The following PEMT variants were observed in gnomAD, a reference collection of about 807,000 sequenced individuals.
PEMT encodes the protein phosphatidylethanolamine N-methyltransferase.
In PEMT, 23 loss-of-function variants were observed where a neutral mutation model predicts 27.4. The observed-to-expected ratio is 0.84, with a 90% CI of 0.60 to 1.19. PEMT has a LOEUF of 1.19. Among genes scored for constraint, PEMT ranks in the 50% most tolerant of loss-of-function variants. PEMT has a pLI of 0.00. For missense variants in PEMT, 307 were observed against 310.1 expected, an observed-to-expected ratio of 0.99 and a Z score of 0.07; for synonymous variants, 137 against 139.1, an observed-to-expected ratio of 0.98 and a Z score of 0.11.
Position 17,512,073 on chromosome 17 carries a change from T to C in PEMT, c.466+436A>G, listed in dbSNP as rs1906450665. ...GCACAAACCACAATCCTGCCTGGCCTGAGAGCCACGCGTGCCGGGAGCTGC... is the reference window on the plus strand; with the variant it reads ...GCACAAACCACAATCCTGCCTGGCCCGAGAGCCACGCGTGCCGGGAGCTGC... On this transcript the variant is annotated intron_variant, in intron 4 of 6. Transcript: ENST00000255389. The surrounding 1 kb of genome is among the most constrained non-coding windows in gnomAD (Gnocchi z 6.3). Among the ~76,000 whole-genome samples the C allele has an allele frequency of 6.6e-6, 1 of 152,108 alleles. No individual in the cohort carries two copies. The highest frequency in any genetic ancestry group is 1.5e-5 in the Non-Finnish European group (1 of 68,016).
chr17:17,536,500 C>G (rs1475807177), intron 2 of PEMT, among the ~76,000 whole-genome samples: 1 of 152,192 alleles, frequency 6.6e-6, no homozygotes, highest in Non-Finnish European at 1.5e-5. Context: ...CACAACCAGG[C>G]AGTCCCCAAC....
chr17:17,567,112 C>T (rs1024803003), intron 2 of PEMT, among the ~76,000 whole-genome samples: 4 of 152,218 alleles, frequency 2.6e-5, no homozygotes, highest in African/African-American at 9.6e-5. Flanking sequence ...CCCACCCAGC[C>T]ATCTCTGGAG....
chr17:17,569,110 G>C (rs1161596137), intron 2 of PEMT, among the ~76,000 whole-genome samples: 1 of 152,232 alleles, frequency 6.6e-6, no homozygotes, highest in Non-Finnish European at 1.5e-5. Context: ...GGGTTCCAGG[G>C]AAAGAGACTC....
At chr17:17,535,778 A>G (rs955764317) in intron 2 of PEMT, among the ~76,000 whole-genome samples, 1 of 152,222 alleles carries the variant, frequency 6.6e-6, no homozygotes, top group Non-Finnish European at 1.5e-5. Context: ...GAAGCTGGGC[A>G]TTGGGTACGG....
At position 17,512,653 on chromosome 17, in the gene PEMT, A is replaced by C. The variant is rs1207668802; in HGVS notation, c.322T>G (p.Phe108Val). The C allele has an allele frequency of 6.6e-7, 1 of 1,524,562 alleles. No homozygotes were observed. Among genetic ancestry groups the C allele is most frequent in the Admixed American group, 2.0e-5 (1 of 51,132 alleles). 94.4% of individuals were successfully genotyped at this position (1,524,562 alleles called of 1,614,324 possible). A position where few individuals can be genotyped will look rare whatever the true frequency, so the allele number is the denominator to read the frequency against. ...GGCTGGCTCAGCATGGCCTGCGTGA[A>C]GCTGTGGGCAGGGGATGGAGAGGGA... ...LLLNFLRSHCFTQAMLSQPRM... is the reference protein window; with the variant it reads ...LLLNFLRSHCVTQAMLSQPRM... The change falls in exon 4 of 7, where the codon TTC (phenylalanine) becomes GTC (valine). Residue 108 changes from phenylalanine to valine, a missense_variant and splice_region_variant. Transcript: ENST00000255389. This position sits in a 1 kb window ranked among gnomAD's most constrained non-coding sequence, Gnocchi z 6.3.
chr17:17,515,637 C>A (rs1322923177), intron 3 of PEMT, among the ~76,000 whole-genome samples: 1 of 152,172 alleles, frequency 6.6e-6, no homozygotes. Context: ...TTACTGGAAT[C>A]TCATGGCCCG....
intron 2 of PEMT, among the ~76,000 whole-genome samples, chr17:17,566,016 G>A (rs1567732677): frequency 6.6e-6 from 1 of 152,248 alleles, no homozygotes; most frequent in Non-Finnish European, 1.5e-5. Context: ...TCTGAGCAAA[G>A]TGGGGCAGAG....
chr17:17,505,633 G>C lies in PEMT; in HGVS notation c.*158C>G. 2.7e-6 allele frequency: 2 copies of C among 738,650 alleles called. No homozygotes were observed. Among genetic ancestry groups the C allele is most frequent in the Non-Finnish European group, 4.0e-6 (2 of 501,776 alleles). 45.8% of individuals were successfully genotyped at this position (738,650 alleles called of 1,614,324 possible). A position where few individuals can be genotyped will look rare whatever the true frequency, so the allele number is the denominator to read the frequency against. On this transcript the variant is annotated 3_prime_UTR_variant, in exon 7 of 7. Transcript: ENST00000255389. ...GAGCTCAATGGCCATATGTCGGCAC[G>C]TCCAGGGTCCCCAAGGCAGCAGGTT...
At chr17:17,566,015 A>T (rs1278323481) in intron 2 of PEMT, among the ~76,000 whole-genome samples, 1 of 152,198 alleles carries the variant, frequency 6.6e-6, no homozygotes, top group African/African-American at 2.4e-5. Flanking sequence ...CTCTGAGCAA[A>T]GTGGGGCAGA....
At chr17:17,563,656 C>G (rs1006878890) in intron 2 of PEMT, among the ~76,000 whole-genome samples, 8 of 152,200 alleles carry the variant, frequency 5.3e-5, no homozygotes, top group Non-Finnish European at 1.2e-4. Flanking sequence ...GGGTGGCAGG[C>G]AAAGCGACAG....
intron 1 of PEMT, among the ~76,000 whole-genome samples, chr17:17,586,288 GAAAA>G (rs113887195): frequency 0.033 from 2,341 of 71,882 alleles, 162 homozygotes; most frequent in African/African-American, 0.082. Context: ...AAGAAAGAAA[GAAAA>G]AAAAAAACGC....
At chr17:17,518,120 T>C (rs1906978938) in intron 3 of PEMT, 4 of 985,452 alleles carry the variant, frequency 4.1e-6, no homozygotes, top group East Asian at 2.3e-4. Context: ...CTCCAGGCAA[T>C]TCCGATGTGC....
At chr17:17,551,859 G>A (rs753988502) in intron 2 of PEMT, among the ~76,000 whole-genome samples, 2 of 152,142 alleles carry the variant, frequency 1.3e-5, no homozygotes, top group Non-Finnish European at 2.9e-5. Context: ...AGACTGAGAC[G>A]GACGGTTAAT....
At chr17:17,588,905 C>T (rs921038056) in intron 1 of PEMT, among the ~76,000 whole-genome samples, 5 of 152,268 alleles carry the variant, frequency 3.3e-5, no homozygotes, top group Admixed American at 3.3e-4. Flanking sequence ...GTCAGTGGGG[C>T]TGCAGCGGGC....
chr17:17,517,908 C>G (rs1313480267), intron 3 of PEMT: 23 of 908,258 alleles, frequency 2.5e-5, no homozygotes, highest in Non-Finnish European at 2.6e-5. Flanking sequence ...GCACCCCACC[C>G]ACCCAGACCA....
At chr17:17,573,699 A>G (rs577589151) in intron 2 of PEMT, among the ~76,000 whole-genome samples, 1 of 152,210 alleles carries the variant, frequency 6.6e-6, no homozygotes, top group Admixed American at 6.5e-5. Context: ...ACTGGAACCA[A>G]TCTCCTATGG....
chr17:17,584,260 C>A (rs541790958), intron 1 of PEMT, among the ~76,000 whole-genome samples: 1 of 152,230 alleles, frequency 6.6e-6, no homozygotes, highest in East Asian at 1.9e-4. Context: ...CCCGGGTTCA[C>A]GCCATTCTCC....
chr17:17,537,818 C>T (rs1908592349), intron 2 of PEMT, among the ~76,000 whole-genome samples: 1 of 152,202 alleles, frequency 6.6e-6, no homozygotes, highest in African/African-American at 2.4e-5. Context: ...TGCTGCAGGG[C>T]CCAGCATGGC....
intron 2 of PEMT, among the ~76,000 whole-genome samples, chr17:17,527,618 A>C (rs947124927): frequency 4.6e-5 from 7 of 152,190 alleles, no homozygotes; most frequent in Non-Finnish European, 8.8e-5. Flanking sequence ...TGCCCATGAA[A>C]TGCCTGGAAC....
Sources: gnomAD v4.1 joint callset for allele counts (sites outside exome capture counted in the v4.1 genomes callset) on GRCh38, gnomAD v4.1.1 for gene constraint, Gnocchi (gnomAD v3.1) non-coding constraint, MANE v1.5 for transcripts, NCBI Gene and HGNC (gene_info 2026-07-23, HGNC 2026-07-21) for gene names.